RANBP2: variants seen among roughly 807,000 people sequenced by gnomAD.
RANBP2 encodes the protein RAN binding protein 2.
In RANBP2, 57 loss-of-function variants were observed where a neutral mutation model predicts 303.6. The observed-to-expected ratio is 0.19, with a 90% CI of 0.15 to 0.23. The LOEUF is 0.23. Among genes scored for constraint, RANBP2 ranks in the 10% least tolerant of loss-of-function variants. The pLI, the probability that RANBP2 is intolerant of heterozygous loss-of-function variation, is 1.00. For synonymous variants in RANBP2, 1,167 were observed against 1,301.5 expected (o/e 0.90, Z 2.23); for missense variants, 3,138 against 3,780.8 (o/e 0.83, Z 4.46).
At chr2:109,051,531 C>T in the RANBP2 span, among the ~76,000 whole-genome samples, 2 of 152,088 alleles carry the variant, frequency 1.3e-5, no homozygotes, top group African/African-American at 4.8e-5. Flanking sequence ...TGTGTATTTT[C>T]AAAGTTTCTT....
the RANBP2 span, among the ~76,000 whole-genome samples, chr2:108,919,483 C>T: frequency 2.6e-5 from 4 of 152,108 alleles, no homozygotes; most frequent in East Asian, 5.8e-4. Flanking sequence ...CTCAGCCTCC[C>T]GAGTAGCTGG....
At chr2:109,092,028 T>C in the RANBP2 span, among the ~76,000 whole-genome samples, 1 of 152,040 alleles carries the variant, frequency 6.6e-6, no homozygotes, top group African/African-American at 2.4e-5. Context: ...ATTTCTCAGA[T>C]GGAATATAGG....
the RANBP2 span, among the ~76,000 whole-genome samples, chr2:109,273,814 C>A: frequency 6.6e-6 from 1 of 152,062 alleles, no homozygotes. Context: ...CTGCTTGAGA[C>A]CAGGCTCAGC....
chr2:108,835,773 A>G, the RANBP2 span, among the ~76,000 whole-genome samples: 3 of 152,188 alleles, frequency 2.0e-5, no homozygotes, highest in Non-Finnish European at 2.9e-5. Flanking sequence ...CTCAGTACCA[A>G]TTGTCTCTGT....
the RANBP2 span, among the ~76,000 whole-genome samples, chr2:109,326,986 A>G: frequency 1.3e-5 from 2 of 152,208 alleles, no homozygotes; most frequent in African/African-American, 4.8e-5. Flanking sequence ...TGTTTCTGCA[A>G]TGTGTTGTTA....
downstream of RANBP2, chr2:108,786,692 C>T: frequency 1.2e-6 from 1 of 862,130 alleles, no homozygotes; most frequent in Non-Finnish European, 1.9e-6. Context: ...TCGCCCCGCC[C>T]CGCCCTTTCC....
At chr2:109,065,896 A>G in the RANBP2 span, among the ~76,000 whole-genome samples, 54 of 151,752 alleles carry the variant, frequency 3.6e-4, no homozygotes, top group African/African-American at 1.3e-3. Flanking sequence ...ATCCTAAGAT[A>G]CTATCATTTT....
At chr2:109,345,233 G>C in the RANBP2 span, among the ~76,000 whole-genome samples, 100 of 152,250 alleles carry the variant, frequency 6.6e-4, no homozygotes, top group African/African-American at 2.0e-3. Context: ...ATGTGGGTGT[G>C]AGTGGTGTCT....
the RANBP2 span, among the ~76,000 whole-genome samples, chr2:109,149,460 A>G: frequency 0.69 from 104,375 of 152,130 alleles, 36,738 homozygotes; most frequent in Non-Finnish European, 0.72. Flanking sequence ...AGGTTGCCAC[A>G]GCATTTCATG....
chr2:108,734,290 A>C, intron 4 of RANBP2, among the ~76,000 whole-genome samples: 1 of 152,112 alleles, frequency 6.6e-6, no homozygotes, highest in Non-Finnish European at 1.5e-5. Flanking sequence ...ATAAGTTGAA[A>C]GTGAGGGTCA....
At chr2:109,267,401 GAAGA>G in the RANBP2 span, among the ~76,000 whole-genome samples, 1 of 152,162 alleles carries the variant, frequency 6.6e-6, no homozygotes, top group African/African-American at 2.4e-5. Flanking sequence ...GAGCTTGCCC[GAAGA>G]AAGAAAGAGA....
At position 108,748,974 on chromosome 2, in the gene RANBP2, T is replaced by C. The variant is rs748650151; in HGVS notation, c.1118T>C (p.Val373Ala). 1.1e-5 allele frequency: 18 copies of C among 1,611,908 alleles called. No individual in the cohort carries two copies. ...AAGCAAGATTTTTTAAAAGAGATTG[T>C]TGAAACTTTTGCCAACAAAAGCGGG... is the stretch of plus-strand genomic sequence containing the variant. ...RGKQDFLKEI[V>A]ETFANKSGQS... The change falls in exon 9 of 29, where the codon GTT becomes GCT. Residue 373 changes from valine (V) to alanine (A), a missense_variant. Around this residue, in one of 20 missense-constraint regions of RANBP2, gnomAD observed 95 missense variants for 86.4 expected, o/e 1.10. Transcript: ENST00000283195.
At chr2:108,860,443 C>T in the RANBP2 span, among the ~76,000 whole-genome samples, 4 of 151,518 alleles carry the variant, frequency 2.6e-5, no homozygotes, top group African/African-American at 9.7e-5. Flanking sequence ...AACTTTTCCC[C>T]ATTAAATATG....
At chr2:108,848,401 G>T in the RANBP2 span, among the ~76,000 whole-genome samples, 1 of 152,144 alleles carries the variant, frequency 6.6e-6, no homozygotes, top group Non-Finnish European at 1.5e-5. Flanking sequence ...CCGTTAATTT[G>T]TGGAGACTCT....
At chr2:109,411,607 A>G in the RANBP2 span, among the ~76,000 whole-genome samples, 1 of 151,978 alleles carries the variant, frequency 6.6e-6, no homozygotes, top group Admixed American at 6.5e-5. Context: ...ATTTCTTTGT[A>G]CTTTTAGTTT....
chr2:108,881,051 G>T, the RANBP2 span, among the ~76,000 whole-genome samples: 1 of 152,202 alleles, frequency 6.6e-6, no homozygotes, highest in Non-Finnish European at 1.5e-5. Context: ...AGTAACTGCC[G>T]ATGTGGTGGG....
At chr2:108,897,176 G>C in the RANBP2 span, 1 of 1,613,852 alleles carries the variant, frequency 6.2e-7, no homozygotes, top group Non-Finnish European at 8.5e-7. Flanking sequence ...GTGGAGCTGA[G>C]CATTCGGCTA....
the RANBP2 span, among the ~76,000 whole-genome samples, chr2:108,871,523 G>A: frequency 1.3e-5 from 2 of 152,052 alleles, no homozygotes; most frequent in South Asian, 4.1e-4. Flanking sequence ...CTGCACTCCA[G>A]CCTGGGCAAC....
chr2:109,387,311 G>A, the RANBP2 span, among the ~76,000 whole-genome samples: 2 of 152,324 alleles, frequency 1.3e-5, no homozygotes, highest in African/African-American at 4.8e-5. Context: ...GGGGGATCCT[G>A]TTGTGTCCCT....
Sources: gnomAD v4.1 joint callset for allele counts (sites outside exome capture counted in the v4.1 genomes callset) on GRCh38, gnomAD v4.1.1 for gene constraint, gnomAD v4.1.1 regional missense constraint, MANE v1.5 for transcripts, NCBI Gene and HGNC (gene_info 2026-07-23, HGNC 2026-07-21) for gene names.